Variants in ANKS1B observed in about 807,000 individuals in gnomAD.
ANKS1B encodes the protein ankyrin repeat and sterile alpha motif domain-containing protein 1B.
ANKS1B carries 36 observed loss-of-function variants against 148.3 expected under a neutral mutation model. The observed-to-expected ratio is 0.24, with a 90% confidence interval of 0.19 to 0.32. The LOEUF is 0.32. Among genes scored for constraint, ANKS1B ranks in the 10% least tolerant of loss-of-function variants. The pLI is 1.00. For missense variants in ANKS1B, 1,157 were observed against 1,542.6 expected, an observed-to-expected ratio of 0.75 and a Z score of 4.19; for synonymous variants, 542 against 560.8, an observed-to-expected ratio of 0.97 and a Z score of 0.47.
At chr12:99,258,610 G>GTTTTTTTTTTTTT (rs56955440) in intron 12 of ANKS1B, among the ~76,000 whole-genome samples, 2 of 134,798 alleles carry the variant, frequency 1.5e-5, no homozygotes, top group African/African-American at 2.7e-5. Context: ...TTATCCACTT[G>GTTTTTTTTTTTTT]TTTTTTTTTT....
chr12:98,835,774 G>A (rs11109620), intron 17 of ANKS1B, among the ~76,000 whole-genome samples: 16,533 of 152,124 alleles, frequency 0.11, 1,642 homozygotes, highest in African/African-American at 0.26. Context: ...GACAGGAAAC[G>A]AATTAACACA....
In ANKS1B at chr12:98,801,678, T is replaced by C. The variant is rs181210287; in HGVS notation, c.3142-553A>G. ...ACTAATTTCTCTCATCTGAATTCAATTGCACTGATTTAATGATGCTGTCTC... is the reference window on the plus strand; with the variant it reads ...ACTAATTTCTCTCATCTGAATTCAACTGCACTGATTTAATGATGCTGTCTC... On this transcript the variant is annotated intron_variant, in intron 20 of 26. Transcript: ENST00000683438. This position sits in a 1 kb window ranked among gnomAD's most constrained non-coding sequence, Gnocchi z 5.2. Among the ~76,000 whole-genome samples the C allele has an allele frequency of 9.5e-4, 145 of 152,306 alleles. 1 individual carries two copies. The highest frequency in any genetic ancestry group is 1.7e-3 in the Admixed American group (26 of 15,294).
intron 9 of ANKS1B, among the ~76,000 whole-genome samples, chr12:99,577,042 TA>T (rs2153225347): frequency 1.3e-5 from 2 of 151,968 alleles, no homozygotes; most frequent in Admixed American, 1.3e-4. Context: ...CTAGAGGAAC[TA>T]AAAAAATAAA....
At chr12:99,799,950 T>C (rs920132373) in intron 4 of ANKS1B, among the ~76,000 whole-genome samples, 1 of 152,094 alleles carries the variant, frequency 6.6e-6, no homozygotes, top group African/African-American at 2.4e-5. Flanking sequence ...GGAAAACCAA[T>C]AGAAGTGTTT....
intron 17 of ANKS1B, among the ~76,000 whole-genome samples, chr12:98,942,953 T>A (rs1287265112): frequency 6.6e-6 from 1 of 152,032 alleles, no homozygotes; most frequent in African/African-American, 2.4e-5. Flanking sequence ...AATACAAGAA[T>A]AGTGAGGAGT....
At chr12:98,911,737 C>T (rs2099787131) in intron 17 of ANKS1B, among the ~76,000 whole-genome samples, 1 of 152,168 alleles carries the variant, frequency 6.6e-6, no homozygotes, top group African/African-American at 2.4e-5. Flanking sequence ...AGTAACAACC[C>T]TGTGTATGCA....
chr12:99,809,987 G>A (rs921796816), intron 3 of ANKS1B, among the ~76,000 whole-genome samples: 3 of 151,970 alleles, frequency 2.0e-5, no homozygotes, highest in African/African-American at 7.2e-5. Flanking sequence ...CAGTAATCTA[G>A]GGCTTAGTAA....
intron 17 of ANKS1B, among the ~76,000 whole-genome samples, chr12:99,051,230 A>AT (rs2099965866): frequency 1.3e-5 from 2 of 152,164 alleles, no homozygotes; most frequent in Non-Finnish European, 2.9e-5. Flanking sequence ...AGGCCTTTGG[A>AT]TTTTGAGAGA....
intron 9 of ANKS1B, among the ~76,000 whole-genome samples, chr12:99,619,905 A>G (rs908693147): frequency 1.2e-4 from 18 of 152,134 alleles, no homozygotes; most frequent in African/African-American, 3.6e-4. Context: ...AGTACCATCT[A>G]TCTTACCCCT....
chr12:99,737,783 C>T (rs1258990418), intron 8 of ANKS1B, among the ~76,000 whole-genome samples: 2 of 151,924 alleles, frequency 1.3e-5, no homozygotes, highest in African/African-American at 2.4e-5. Flanking sequence ...TTCTTAGATC[C>T]TCGGGTCTTT....
At chr12:98,736,413 A>G (rs1486702466) in intron 9 of ANKS1B, among the ~76,000 whole-genome samples, 1 of 152,214 alleles carries the variant, frequency 6.6e-6, no homozygotes, top group Non-Finnish European at 1.5e-5. Flanking sequence ...TAGCCTGAGC[A>G]ACTGGAAGAA....
At chr12:99,914,557 A>C (rs2094110784) in intron 1 of ANKS1B, among the ~76,000 whole-genome samples, 1 of 152,142 alleles carries the variant, frequency 6.6e-6, no homozygotes, top group Non-Finnish European at 1.5e-5. Flanking sequence ...ATTTAAAATG[A>C]ACCTTATCTC....
At chr12:98,797,484 A>C (rs560785073) in intron 22 of ANKS1B, among the ~76,000 whole-genome samples, 2 of 152,350 alleles carry the variant, frequency 1.3e-5, no homozygotes, top group South Asian at 4.1e-4. Context: ...TATTTTTATG[A>C]ATAACAGGTG....
At chr12:99,136,745 C>G (rs2068223182) in intron 15 of ANKS1B, among the ~76,000 whole-genome samples, 1 of 152,164 alleles carries the variant, frequency 6.6e-6, no homozygotes, top group African/African-American at 2.4e-5. Flanking sequence ...GGGCTGGGAA[C>G]AGGGAGAAGA....
At chr12:99,815,840 G>A (rs1180463396) in intron 2 of ANKS1B, among the ~76,000 whole-genome samples, 3 of 151,802 alleles carry the variant, frequency 2.0e-5, no homozygotes, top group Non-Finnish European at 4.4e-5. Flanking sequence ...TTTTATGGCT[G>A]AGTAGTATTC....
chr12:99,390,688 C>T (rs1481409707), intron 12 of ANKS1B, among the ~76,000 whole-genome samples: 1 of 152,180 alleles, frequency 6.6e-6, no homozygotes, highest in Non-Finnish European at 1.5e-5. Context: ...TTGATAGTTC[C>T]CTGTGGTAAG....
chr12:99,437,171 A>C (rs1421772309), intron 11 of ANKS1B, among the ~76,000 whole-genome samples: 2 of 152,112 alleles, frequency 1.3e-5, no homozygotes, highest in East Asian at 3.9e-4. Flanking sequence ...CCTCTTTCAG[A>C]TTGCAGATTG....
intron 2 of ANKS1B, among the ~76,000 whole-genome samples, chr12:99,822,126 GA>G (rs879491081): frequency 6.6e-6 from 1 of 151,898 alleles, no homozygotes; most frequent in Non-Finnish European, 1.5e-5. Context: ...CATTTTAAGA[GA>G]AAAATGTCAG....
intron 14 of ANKS1B, among the ~76,000 whole-genome samples, chr12:99,169,235 A>G (rs2077504964): frequency 6.6e-6 from 1 of 152,170 alleles, no homozygotes. Context: ...AAACTTAGAG[A>G]CATGACTTCC....
Sources: gnomAD v4.1 joint callset for allele counts (sites outside exome capture counted in the v4.1 genomes callset) on GRCh38, gnomAD v4.1.1 for gene constraint, Gnocchi (gnomAD v3.1) non-coding constraint, MANE v1.5 for transcripts, NCBI Gene and HGNC (gene_info 2026-07-23, HGNC 2026-07-21) for gene names.